Variants in TMEM132D observed in about 807,000 individuals in gnomAD.
TMEM132D encodes transmembrane protein 132D.
A neutral mutation model predicts 62.3 loss-of-function variants in TMEM132D; 21 were observed. The observed-to-expected ratio is 0.34, with a 90% CI of 0.24 to 0.49. The LOEUF (loss-of-function observed/expected upper bound fraction) is 0.49. Among genes scored for constraint, TMEM132D ranks in the 20% least tolerant of loss-of-function variants. TMEM132D has a pLI of 0.99. For missense variants in TMEM132D, 1,346 were observed against 1,402.8 expected (o/e 0.96, Z 0.65); for synonymous variants, 621 against 575.6 (o/e 1.08, Z -1.13).
intron 3 of TMEM132D, among the ~76,000 whole-genome samples, chr12:129,520,136 G>C (rs1343829435): frequency 6.6e-6 from 1 of 152,046 alleles, no homozygotes; most frequent in Admixed American, 6.6e-5. Flanking sequence ...ATTTTTGGTG[G>C]GTGTTTAAGC....
intron 2 of TMEM132D, among the ~76,000 whole-genome samples, chr12:129,632,815 T>C (rs147097642): frequency 2.2e-3 from 341 of 152,352 alleles, no homozygotes; most frequent in African/African-American, 8.0e-3. Flanking sequence ...TATTAATACC[T>C]GAAGTCACTA....
At chr12:129,352,464 T>C (rs1593347784) in intron 3 of TMEM132D, among the ~76,000 whole-genome samples, 6 of 145,228 alleles carry the variant, frequency 4.1e-5, no homozygotes. Flanking sequence ...AGCATCAGAG[T>C]GAACAGGCAA....
chr12:129,791,055 T>G (rs913487505), intron 1 of TMEM132D, among the ~76,000 whole-genome samples: 2 of 152,246 alleles, frequency 1.3e-5, no homozygotes, highest in Non-Finnish European at 2.9e-5. Flanking sequence ...GTGACATATC[T>G]TTATTTCATT....
chr12:129,751,507 C>A (rs7307926), intron 1 of TMEM132D, among the ~76,000 whole-genome samples: 1 of 150,648 alleles, frequency 6.6e-6, no homozygotes, highest in Admixed American at 6.6e-5. Flanking sequence ...TTTCCTGTGT[C>A]GCCCCCACCA....
chr12:129,485,981 A>G (rs531064586), intron 3 of TMEM132D, among the ~76,000 whole-genome samples: 4 of 152,194 alleles, frequency 2.6e-5, no homozygotes, highest in Non-Finnish European at 4.4e-5. Context: ...ACTTCGGTGC[A>G]CCCAGCCTGA....
chr12:129,685,528 G>A (rs979632195), intron 2 of TMEM132D, among the ~76,000 whole-genome samples: 2 of 152,224 alleles, frequency 1.3e-5, no homozygotes, highest in African/African-American at 2.4e-5. Flanking sequence ...TGGATGTCCA[G>A]GCAGAAGACT....
At chr12:129,266,849 G>T (rs2135598384) in intron 4 of TMEM132D, among the ~76,000 whole-genome samples, 1 of 152,184 alleles carries the variant, frequency 6.6e-6, no homozygotes, top group South Asian at 2.1e-4. Context: ...CAAATTAAAA[G>T]AATCATCACA....
intron 4 of TMEM132D, among the ~76,000 whole-genome samples, chr12:129,294,071 AT>A (rs768419583): frequency 2.0e-5 from 3 of 152,252 alleles, no homozygotes; most frequent in Non-Finnish European, 4.4e-5. Context: ...AAAACTATTT[AT>A]CTTGCATTTT....
intron 2 of TMEM132D, among the ~76,000 whole-genome samples, chr12:129,541,118 A>C (rs758910768): frequency 2.6e-5 from 4 of 152,238 alleles, no homozygotes; most frequent in Non-Finnish European, 4.4e-5. Context: ...GCAAAGCAAG[A>C]GGTCAGAGGG....
intron 5 of TMEM132D, among the ~76,000 whole-genome samples, chr12:129,125,240 G>A (rs920433736): frequency 6.6e-5 from 10 of 152,176 alleles, no homozygotes; most frequent in African/African-American, 2.2e-4. Context: ...CTTCTGAGAT[G>A]CTATCTCCTA....
Position 129,800,739 on chromosome 12 carries a change from G to T in TMEM132D, c.80-100041C>A, listed in dbSNP as rs144336635. On this transcript the variant is annotated intron_variant, in intron 1 of 8. Coordinates refer to ENST00000422113, the MANE Select transcript of TMEM132D (RefSeq NM_133448.3). Reference sequence around the variant, plus strand: ...AAGATGGCCGAATAGGAACAGCTCCGGTCTACAGCTCCCAGCGAGAGCGAC... The same window carrying T: ...AAGATGGCCGAATAGGAACAGCTCCTGTCTACAGCTCCCAGCGAGAGCGAC... Among the ~76,000 whole-genome samples the T allele has an allele frequency of 8.3e-3, 1,268 of 152,076 alleles. 8 individuals carry two copies. Among genetic ancestry groups the T allele is most frequent in the African/African-American group, 0.029 (1,207 of 41,480 alleles).
intron 1 of TMEM132D, among the ~76,000 whole-genome samples, chr12:129,859,644 A>T (rs1165391531): frequency 6.6e-6 from 1 of 152,172 alleles, no homozygotes; most frequent in Non-Finnish European, 1.5e-5. Context: ...CGCGGCTAGA[A>T]AAAAGCAGGC....
chr12:129,872,150 T>A (rs1334448904), intron 1 of TMEM132D, among the ~76,000 whole-genome samples: 1 of 152,248 alleles, frequency 6.6e-6, no homozygotes, highest in Non-Finnish European at 1.5e-5. Flanking sequence ...TAGTGACGTC[T>A]CAGTGTCACA....
intron 4 of TMEM132D, among the ~76,000 whole-genome samples, chr12:129,238,996 GTT>G (rs1555240386): frequency 1.5e-5 from 2 of 133,024 alleles, no homozygotes; most frequent in Non-Finnish European, 1.6e-5. Context: ...GTTATTTTCT[GTT>G]TTTTTTTTTT....
At chr12:129,808,193 G>A (rs1250781482) in intron 1 of TMEM132D, among the ~76,000 whole-genome samples, 2 of 152,114 alleles carry the variant, frequency 1.3e-5, no homozygotes, top group East Asian at 1.9e-4. Flanking sequence ...AATCACACAC[G>A]TCAACACCAT....
chr12:129,683,198 G>C (rs1248852386), intron 2 of TMEM132D: 1 of 151,798 alleles, frequency 6.6e-6, no homozygotes, highest in Admixed American at 6.6e-5. Context: ...TTATGAAGAA[G>C]AATTTTCCAA....
chr12:129,522,484 T>C (rs1875877995), intron 3 of TMEM132D: 1 of 152,114 alleles, frequency 6.6e-6, no homozygotes, highest in African/African-American at 2.4e-5. Context: ...ATTTGTTCCA[T>C]CAAGCTAAAC....
intron 3 of TMEM132D, among the ~76,000 whole-genome samples, chr12:129,468,838 A>G (rs1874005251): frequency 6.6e-6 from 1 of 152,186 alleles, no homozygotes. Context: ...CTTCATTTTT[A>G]TGATTTGATA....
At chr12:129,100,681 A>T (rs759386112) in intron 5 of TMEM132D, among the ~76,000 whole-genome samples, 1 of 152,210 alleles carries the variant, frequency 6.6e-6, no homozygotes, top group African/African-American at 2.4e-5. Context: ...TGTCTTACAG[A>T]TGAGGCAGCT....
Sources: allele counts gnomAD v4.1 joint callset (sites outside exome capture counted in the v4.1 genomes callset), GRCh38; gene constraint gnomAD v4.1.1; transcripts MANE v1.5; gene names NCBI Gene and HGNC (gene_info 2026-07-23, HGNC 2026-07-21).